ATL3: variants seen among roughly 807,000 people sequenced by gnomAD.
ATL3 encodes atlastin GTPase 3.
A neutral mutation model predicts 69.5 loss-of-function variants in ATL3; 49 were observed. The ratio of observed to expected loss-of-function variants is 0.71; its 90% confidence interval spans 0.56 to 0.89. The LOEUF (loss-of-function observed/expected upper bound fraction) is 0.89. Ranked by LOEUF, ATL3 falls within the 40% of genes least tolerant of loss-of-function variation. The pLI is 0.00. For missense variants in ATL3, 606 were observed against 645.7 expected, an observed-to-expected ratio of 0.94 and a Z score of 0.67; for synonymous variants, 214 against 224.1, an observed-to-expected ratio of 0.95 and a Z score of 0.40.
At chr11:63,659,312 A>G in intron 1 of ATL3, 60 bp from the exon 2 acceptor site, 2 of 1,483,368 alleles carry the variant, frequency 1.3e-6, no homozygotes, top group Non-Finnish European at 9.3e-7. Context: ...TTTTGAATAT[A>G]GGGAAAACAA....
intron 10 of ATL3, among the ~76,000 whole-genome samples, chr11:63,634,893 G>A (rs547405083): frequency 6.6e-6 from 1 of 151,908 alleles, no homozygotes; most frequent in South Asian, 2.1e-4. Context: ...CAGGCATGGT[G>A]GCTCACCCCT....
chr11:63,659,217 G>A lies in ATL3; in HGVS notation c.82C>T (p.Gln28Ter), dbSNP rs1262704378. The A allele has an allele frequency of 6.2e-7, 1 of 1,614,058 alleles. No homozygotes were observed. Among genetic ancestry groups the A allele is most frequent in the Middle Eastern group, 1.6e-4 (1 of 6,062 alleles). Residue 28 changes from glutamine (Q) to a stop codon, truncating the protein, a stop_gained, in exon 2 of 13, where the codon CAG (glutamine) becomes TAG (stop). Transcript: ENST00000398868. LOFTEE classifies it high-confidence loss of function. ...TGATCTTTCTGAACCAAAACAACCT[G>A]CACTGGACCAGGCTTGCTGCTCTCC... ...AMESSKPGPV[Q>*]VVLVQKDQHS... is the part of the protein sequence containing the mutation.
chr11:63,671,249 G>T (rs780164834), intron 1 of ATL3, 41 bp downstream of exon 1: 2 of 1,551,774 alleles, frequency 1.3e-6, no homozygotes, highest in African/African-American at 2.8e-5. Context: ...GAAGGCGGCG[G>T]GGGTGGCCGC....
At chr11:63,629,469 G>A in intron 12 of ATL3, 64 bp from the exon 13 acceptor site, 3 of 1,430,986 alleles carry the variant, frequency 2.1e-6, no homozygotes, top group South Asian at 2.3e-5. Context: ...AAGAAAGTAA[G>A]TCCTTAAACT....
intron 9 of ATL3, 143 bp downstream of exon 9, chr11:63,636,064 G>A (rs770873390): frequency 1.8e-4 from 185 of 1,005,866 alleles, no homozygotes; most frequent in Middle Eastern, 3.2e-4. Flanking sequence ...ACTCCTGGAA[G>A]GACACCAAGG....
chr11:63,649,299 C>G (rs1309688397), intron 5 of ATL3, among the ~76,000 whole-genome samples: 1 of 152,068 alleles, frequency 6.6e-6, no homozygotes, highest in Non-Finnish European at 1.5e-5. Context: ...GCATGAACAT[C>G]AACACCCAGC....
chr11:63,664,684 G>A (rs537985020), intron 1 of ATL3, among the ~76,000 whole-genome samples: 1 of 149,390 alleles, frequency 6.7e-6, no homozygotes, highest in Non-Finnish European at 1.5e-5. Flanking sequence ...GTGCAGTGGC[G>A]CGATCTTGGC....
rs193126169 is a variant in ATL3 at position 63,633,801 on chromosome 11, G to A, written c.1036-704C>T. ...CAGCACTTTGGCACTTTGGGAGGCC[G>A]AGGCTGGCGGATCATAAGGTCAGGA... On this transcript the variant is annotated intron_variant, in intron 10 of 12. Transcript: ENST00000398868. 1.4e-4 allele frequency among the ~76,000 whole-genome samples: 21 copies of A among 149,638 alleles called. No homozygotes were observed. In the East Asian group the frequency reaches 2.9e-3, roughly 20 times the overall value.
intron 11 of ATL3, among the ~76,000 whole-genome samples, chr11:63,631,961 G>T (rs1452335733): frequency 6.6e-6 from 1 of 152,124 alleles, no homozygotes; most frequent in African/African-American, 2.4e-5. Flanking sequence ...CAGCCTGGGC[G>T]ACAGAGTGAG....
At chr11:63,657,570 G>T (rs762929435) in intron 3 of ATL3, among the ~76,000 whole-genome samples, 10 of 152,224 alleles carry the variant, frequency 6.6e-5, no homozygotes, top group Non-Finnish European at 1.5e-4. Flanking sequence ...TCTGGGAAGT[G>T]AAAACTGGGT....
At chr11:63,655,495 G>A (rs1187688984) in intron 3 of ATL3, among the ~76,000 whole-genome samples, 14 of 149,672 alleles carry the variant, frequency 9.4e-5, no homozygotes, top group South Asian at 6.3e-4. Flanking sequence ...TTGCCCAGGC[G>A]GAAGTGCAAT....
chr11:63,632,704 A>T (rs1939363357), intron 11 of ATL3: 10 of 1,270,208 alleles, frequency 7.9e-6, no homozygotes, highest in Non-Finnish European at 1.1e-5. Flanking sequence ...CTTAATGGCC[A>T]CAGATTTTCT....
In ATL3 at chr11:63,668,790, C is replaced by T. The variant is rs199844881; in HGVS notation, c.46+2500G>A. ...CCAAAGGTTTGAATTAGCTGTGTTC[C>T]TTTTTTTTTTTTTTTTTTTTTTTTG... On this transcript the variant is annotated intron_variant, in intron 1 of 12. Coordinates refer to ENST00000398868, the MANE Select transcript of ATL3 (RefSeq NM_015459.5). Among the ~76,000 whole-genome samples, 12 of 81,500 alleles carry T rather than the reference C, an allele frequency of 1.5e-4. 1 individual carries two copies. The highest frequency in any genetic ancestry group is 4.9e-4 in the South Asian group (1 of 2,024). 53.5% of individuals were successfully genotyped at this position (81,500 alleles called of 152,430 possible). A position where few individuals can be genotyped will look rare whatever the true frequency, so the allele number is the denominator to read the frequency against.
intron 8 of ATL3, 57 bp downstream of exon 8, chr11:63,643,296 GATTC>G (rs1939758735): frequency 4.7e-6 from 7 of 1,477,476 alleles, no homozygotes; most frequent in African/African-American, 1.4e-5. Context: ...ATTTGTAAGT[GATTC>G]ATTATTTTTA....
At chr11:63,630,307 C>A (rs1470137859) in intron 12 of ATL3, among the ~76,000 whole-genome samples, 2 of 151,162 alleles carry the variant, frequency 1.3e-5, no homozygotes, top group Admixed American at 1.3e-4. Context: ...CACCTATAAT[C>A]CCAGCTACTC....
At chr11:63,641,319 C>A (rs1939694416) in intron 8 of ATL3, among the ~76,000 whole-genome samples, 1 of 152,160 alleles carries the variant, frequency 6.6e-6, no homozygotes, top group African/African-American at 2.4e-5. Context: ...CATTCATAAT[C>A]TACATATATG....
In ATL3 at chr11:63,625,463, TAAA is replaced by T. The variant is rs1251428235; in HGVS notation, c.*3853_*3855del. Reference sequence around the variant, plus strand: ...ATTAAAGTTTTAATTTTTAAAAAATTAAAAAATTAAAACTGTTTTATTGCTTTT... The same window carrying T: ...ATTAAAGTTTTAATTTTTAAAAAATTAAATTAAAACTGTTTTATTGCTTTT... On this transcript the variant is annotated 3_prime_UTR_variant, in exon 13 of 13. Coordinates refer to ENST00000398868, the MANE Select transcript of ATL3 (RefSeq NM_015459.5). The T allele has an allele frequency of 1.3e-5, 2 of 152,200 alleles. No individual in the cohort carries two copies. Among genetic ancestry groups the T allele is most frequent in the South Asian group, 2.1e-4 (1 of 4,836 alleles). 9.4% of individuals were successfully genotyped at this position (152,200 alleles called of 1,614,324 possible). A position where few individuals can be genotyped will look rare whatever the true frequency, so the allele number is the denominator to read the frequency against.
chr11:63,625,615 A>G lies in ATL3; in HGVS notation c.*3704T>C, dbSNP rs1939082421. 1.3e-5 allele frequency: 2 copies of G among 152,244 alleles called. No homozygotes were observed. Among genetic ancestry groups the G allele is most frequent in the South Asian group, 2.1e-4 (1 of 4,834 alleles). 9.4% of individuals were successfully genotyped at this position (152,244 alleles called of 1,614,324 possible). Reference sequence around the variant, plus strand: ...AGTAGAACACTGTGTGTGATCCACTAATGAAACCAACCACCAGTACAAGGC... The same window carrying G: ...AGTAGAACACTGTGTGTGATCCACTGATGAAACCAACCACCAGTACAAGGC... On this transcript the variant is annotated 3_prime_UTR_variant, in exon 13 of 13. Transcript: ENST00000398868.
upstream of ATL3, chr11:63,671,512 G>A: frequency 1.4e-6 from 2 of 1,443,458 alleles, no homozygotes; most frequent in Non-Finnish European, 9.1e-7. Context: ...GGTCTGCGTG[G>A]CCCAACGGAC....
Sources: gnomAD v4.1 joint callset for allele counts (sites outside exome capture counted in the v4.1 genomes callset) on GRCh38, gnomAD v4.1.1 for gene constraint, MANE v1.5 for transcripts, NCBI Gene and HGNC (gene_info 2026-07-23, HGNC 2026-07-21) for gene names.